NMNAT3: variants seen among roughly 807,000 people sequenced by gnomAD.
The protein encoded by NMNAT3 is nicotinamide/nicotinic acid mononucleotide adenylyltransferase 3.
A neutral mutation model predicts 24.8 loss-of-function variants in NMNAT3; 21 were observed. The ratio of observed to expected loss-of-function variants is 0.85; its 90% confidence interval spans 0.60 to 1.22. The LOEUF (loss-of-function observed/expected upper bound fraction) is 1.22. Ranked by LOEUF, NMNAT3 falls within the 50% of genes most tolerant of loss-of-function variation. The pLI is 0.00. For missense variants in NMNAT3, 387 were observed against 436.6 expected, an observed-to-expected ratio of 0.89 and a Z score of 1.01; for synonymous variants, 136 against 155.2, an observed-to-expected ratio of 0.88 and a Z score of 0.92.
intron 1 of NMNAT3, among the ~76,000 whole-genome samples, chr3:139,640,384 G>T (rs1478756517): frequency 6.6e-6 from 1 of 152,190 alleles, no homozygotes; most frequent in Non-Finnish European, 1.5e-5. Flanking sequence ...GGTGACAGTT[G>T]TCTCCCCTAT....
At chr3:139,663,733 C>T (rs2057492347) in intron 1 of NMNAT3, among the ~76,000 whole-genome samples, 1 of 152,222 alleles carries the variant, frequency 6.6e-6, no homozygotes, top group South Asian at 2.1e-4. Flanking sequence ...GACCCGAAGT[C>T]AGGACCTACT....
At chr3:139,579,090 G>C in intron 4 of NMNAT3, 35 bp from the exon 5 acceptor site, 4 of 1,573,952 alleles carry the variant, frequency 2.5e-6, no homozygotes, top group Non-Finnish European at 3.5e-6. Context: ...TGCACATACA[G>C]ACAGATGCTC....
chr3:139,618,670 A>C (rs2055620758), intron 3 of NMNAT3, among the ~76,000 whole-genome samples: 1 of 152,248 alleles, frequency 6.6e-6, no homozygotes, highest in Admixed American at 6.5e-5. Flanking sequence ...TTTCTTAATG[A>C]AAAAAGAAAG....
At chr3:139,612,730 T>C (rs887466237) in intron 3 of NMNAT3, among the ~76,000 whole-genome samples, 3 of 152,148 alleles carry the variant, frequency 2.0e-5, no homozygotes, top group Non-Finnish European at 4.4e-5. Context: ...AAGCACATGG[T>C]GAGCGAGTTG....
At chr3:139,591,578 C>T (rs952016580) in intron 3 of NMNAT3, among the ~76,000 whole-genome samples, 3 of 152,226 alleles carry the variant, frequency 2.0e-5, no homozygotes, top group African/African-American at 7.2e-5. Context: ...TGTCTGACAG[C>T]TTTGAAGAGA....
chr3:139,572,299 A>G (rs1215003622), intron 6 of NMNAT3: 2 of 397,868 alleles, frequency 5.0e-6, no homozygotes, highest in East Asian at 7.1e-5. Context: ...CACTGTGCTT[A>G]TCGGGGATGG....
At position 139,583,261 on chromosome 3, in the gene NMNAT3, T is replaced by G. The variant is rs946196767; in HGVS notation, c.110-53A>C. 8.2e-6 allele frequency: 10 copies of G among 1,215,952 alleles called. No homozygotes were observed. In the Admixed American group the frequency reaches 1.7e-4, roughly 21 times the overall value. The allele number at this position is 1,215,952 out of a possible 1,614,324, so 75.3% of individuals were successfully genotyped here. A position where few individuals can be genotyped will look rare whatever the true frequency, so the allele number is the denominator to read the frequency against. On this transcript the variant is annotated intron_variant, in intron 3 of 6. Coordinates refer to ENST00000643695, the MANE Select transcript of NMNAT3 (RefSeq NM_001320510.2). ...TTGCAAATTCAGGTGCTAAGAGTTT[T>G]GCATGTATAGCAGTACTTTTACCAT...
At chr3:139,600,370 A>T (rs2054658818) in intron 3 of NMNAT3, among the ~76,000 whole-genome samples, 1 of 151,574 alleles carries the variant, frequency 6.6e-6, no homozygotes, top group South Asian at 2.1e-4. Flanking sequence ...CAATGGCGCA[A>T]TCTTGGCTCA....
chr3:139,607,899 A>C (rs1321657783), intron 3 of NMNAT3, among the ~76,000 whole-genome samples: 1 of 152,124 alleles, frequency 6.6e-6, no homozygotes, highest in African/African-American at 2.4e-5. Context: ...GTAACTCATA[A>C]ATTTCCCCAA....
Position 139,627,665 on chromosome 3 carries a change from G to A in NMNAT3, c.60C>T (p.Asn20=), listed in dbSNP as rs2108310836. Residue 20 remains asparagine (N), a synonymous_variant, in exon 3 of 7, where the codon AAC becomes AAT. Transcript: ENST00000643695. ...CCACCTCAAACATGCGCAGGTGCAT[G>A]TTGGTGATGGGGTTAAAGGAGCCAC... 1 of 1,596,268 alleles carries A rather than the reference G, an allele frequency of 6.3e-7. No individual in the cohort carries two copies. Among genetic ancestry groups the A allele is most frequent in the Non-Finnish European group, 8.5e-7 (1 of 1,178,498 alleles).
At position 139,560,730 on chromosome 3, in the gene NMNAT3, C is replaced by T. The variant is rs1445208946; in HGVS notation, c.*280G>A. On this transcript the variant is annotated 3_prime_UTR_variant, in exon 7 of 7. Transcript: ENST00000643695. ...TACCATCCACACAAAATAAGTAGACCTCCTTGTCCAGCAGCTCTGAGAGAT... is the reference window on the plus strand; with the variant it reads ...TACCATCCACACAAAATAAGTAGACTTCCTTGTCCAGCAGCTCTGAGAGAT... The T allele has an allele frequency of 1.3e-5, 5 of 389,408 alleles. No individual in the cohort carries two copies. The highest frequency in any genetic ancestry group is 1.2e-4 in the Admixed American group (3 of 24,172). 24.1% of individuals were successfully genotyped at this position (389,408 alleles called of 1,614,324 possible).
intron 6 of NMNAT3, chr3:139,566,354 C>A (rs1937212931): frequency 6.6e-6 from 1 of 152,106 alleles, no homozygotes. Context: ...TGTGCAGAAG[C>A]TCTTTAGTTT....
chr3:139,596,946 A>G (rs867075222), intron 3 of NMNAT3, among the ~76,000 whole-genome samples: 28 of 102,450 alleles, frequency 2.7e-4, no homozygotes, highest in African/African-American at 4.4e-4. Flanking sequence ...ATATATATAT[A>G]TATATATATA....
intron 1 of NMNAT3, among the ~76,000 whole-genome samples, chr3:139,642,338 T>C (rs2108359755): frequency 6.6e-6 from 1 of 152,334 alleles, no homozygotes; most frequent in Middle Eastern, 3.4e-3. Context: ...TAATGGTGTG[T>C]ACACTTTCAT....
rs145952789 is a variant in NMNAT3 at position 139,577,569 on chromosome 3, T to C, written c.575+1303A>G. On this transcript the variant is annotated intron_variant, in intron 5 of 6. Coordinates refer to ENST00000643695, the MANE Select transcript of NMNAT3 (RefSeq NM_001320510.2). ...CTACATATTAAAGCTAAATTACTTG[T>C]TGGATGATCTATTCTCTTGCTTCTA... 1.4e-3 allele frequency among the ~76,000 whole-genome samples: 214 copies of C among 152,318 alleles called. 1 individual carries two copies. Among genetic ancestry groups the C allele is most frequent in the African/African-American group, 5.0e-3 (207 of 41,586 alleles).
intron 1 of NMNAT3, among the ~76,000 whole-genome samples, chr3:139,668,840 A>G (rs538415273): frequency 6.6e-6 from 1 of 152,322 alleles, no homozygotes; most frequent in South Asian, 2.1e-4. Context: ...AAAATACATA[A>G]ACACCAGGTA....
intron 3 of NMNAT3, among the ~76,000 whole-genome samples, chr3:139,595,581 CA>C: frequency 6.6e-6 from 1 of 152,248 alleles, no homozygotes; most frequent in Non-Finnish European, 1.5e-5. Flanking sequence ...CTACAGTAAC[CA>C]AAACAGCATG....
chr3:139,565,583 A>G (rs945809617), intron 6 of NMNAT3: 11 of 151,996 alleles, frequency 7.2e-5, no homozygotes, highest in Admixed American at 7.2e-4. Flanking sequence ...TCATTGTTCA[A>G]TTCCCACCTA....
chr3:139,589,413 A>G (rs995794049), intron 3 of NMNAT3, among the ~76,000 whole-genome samples: 1 of 152,254 alleles, frequency 6.6e-6, no homozygotes, highest in African/African-American at 2.4e-5. Context: ...AGGTTTAAAG[A>G]GAAGGTCCTG....
Sources: allele counts gnomAD v4.1 joint callset (sites outside exome capture counted in the v4.1 genomes callset), GRCh38; gene constraint gnomAD v4.1.1; transcripts MANE v1.5; gene names NCBI Gene and HGNC (gene_info 2026-07-23, HGNC 2026-07-21).